Variants in PRICKLE1 observed in about 807,000 individuals in gnomAD.
The protein encoded by PRICKLE1 is prickle planar cell polarity protein 1, also known as prickle-like protein 1.
PRICKLE1 carries 14 observed loss-of-function variants against 70.2 expected under a neutral mutation model. The observed-to-expected ratio is 0.20, with a 90% CI of 0.13 to 0.31. PRICKLE1 has a LOEUF of 0.31. Ranked by LOEUF, PRICKLE1 falls within the 10% of genes least tolerant of loss-of-function variation. PRICKLE1 has a pLI of 1.00. For synonymous variants in PRICKLE1, 357 were observed against 379.9 expected (o/e 0.94, Z 0.70); for missense variants, 821 against 1,026.2 (o/e 0.80, Z 2.73).
intron 1 of PRICKLE1, among the ~76,000 whole-genome samples, chr12:42,528,631 T>C (rs534346756): frequency 6.6e-6 from 1 of 152,350 alleles, no homozygotes; most frequent in East Asian, 1.9e-4. Context: ...TAAATGTTTG[T>C]ATTAAACATG....
intron 3 of PRICKLE1, 194 bp downstream of exon 3, chr12:42,470,052 A>G: frequency 1.7e-6 from 1 of 576,738 alleles, no homozygotes; most frequent in South Asian, 2.0e-5. Flanking sequence ...ACTTGTGTTA[A>G]GTTTATTACA....
At chr12:42,542,294 GA>G (rs1408975180) in intron 1 of PRICKLE1, among the ~76,000 whole-genome samples, 1 of 151,740 alleles carries the variant, frequency 6.6e-6, no homozygotes, top group Non-Finnish European at 1.5e-5. Context: ...GCTTTTATAT[GA>G]TTTTTTTTCA....
rs1320904413 is a variant in PRICKLE1, at chr12:42,468,812, A to G, written c.402T>C (p.Asn134=). 3.7e-6 allele frequency: 6 copies of G among 1,614,042 alleles called. No homozygotes were observed. The highest frequency in any genetic ancestry group is 5.1e-6 in the Non-Finnish European group (6 of 1,180,010). ...AVCEQCGLKI[N]GGEVAVFASR... The stretch of plus-strand genomic sequence containing the variant: ...AGGCGAACACTGCAACTTCACCTCC[A>G]TTTATCTTCAAACCACACTACAAAC... Residue 134 remains asparagine, a synonymous_variant, in exon 5 of 8, where the codon AAT becomes AAC. Coordinates refer to ENST00000345127, the MANE Select transcript of PRICKLE1 (RefSeq NM_153026.3).
chr12:42,517,308 T>TTTA (rs1939627759), intron 1 of PRICKLE1, among the ~76,000 whole-genome samples: 1 of 100,666 alleles, frequency 9.9e-6, no homozygotes, highest in East Asian at 2.4e-4. Flanking sequence ...AGTCTGCCAT[T>TTTA]TTTTTTTTTT....
intron 1 of PRICKLE1, among the ~76,000 whole-genome samples, chr12:42,538,323 A>T (rs1296650786): frequency 1.3e-5 from 2 of 152,222 alleles, no homozygotes; most frequent in African/African-American, 4.8e-5. Context: ...GCAAAAAAAA[A>T]TAGATGGTCT....
In PRICKLE1 at chr12:42,523,214, G is replaced by A. The variant is rs528644775; in HGVS notation, c.-48-50650C>T. ...GAACTCCTGACCTCATGATCCGCCC[G>A]CCTTGGCCTCCCAAAGTGCTGGGAT... On this transcript the variant is annotated intron_variant, in intron 1 of 7. Transcript: ENST00000345127. Among the ~76,000 whole-genome samples the A allele has an allele frequency of 9.2e-5, 14 of 152,262 alleles. No homozygotes were observed. The South Asian group carries it at 1.0e-3, about 11-fold the overall frequency.
intron 2 of PRICKLE1, 34 bp downstream of exon 2, chr12:42,472,351 A>G (rs1159002576): frequency 6.2e-7 from 1 of 1,613,436 alleles, no homozygotes; most frequent in Admixed American, 1.7e-5. Flanking sequence ...ACACTGAAAA[A>G]CAAAGAGTAA....
intron 1 of PRICKLE1, among the ~76,000 whole-genome samples, chr12:42,516,112 G>A (rs575775303): frequency 5.3e-5 from 8 of 151,698 alleles, no homozygotes; most frequent in Non-Finnish European, 8.8e-5. Context: ...AAGACTTCTA[G>A]CAAATGGCCT....
intron 1 of PRICKLE1, among the ~76,000 whole-genome samples, chr12:42,531,708 T>C (rs965535159): frequency 1.3e-5 from 2 of 152,158 alleles, no homozygotes; most frequent in Admixed American, 1.3e-4. Flanking sequence ...ATTAATTAAT[T>C]TGAATACAGC....
At chr12:42,497,497 C>T (rs2708048) in intron 1 of PRICKLE1, among the ~76,000 whole-genome samples, 131,446 of 148,964 alleles carry the variant, frequency 0.88, 58,362 homozygotes, top group East Asian at 1. Context: ...TGCGGTGAGC[C>T]AAGATCGTGC....
intron 1 of PRICKLE1, among the ~76,000 whole-genome samples, chr12:42,574,275 C>T (rs1940768589): frequency 6.6e-6 from 1 of 152,170 alleles, no homozygotes; most frequent in South Asian, 2.1e-4. Flanking sequence ...TGACAAACTC[C>T]TTTCCACCTC....
rs1938362121 is a variant in PRICKLE1, at chr12:42,472,430, T to C, written c.87A>G (p.Ala29=). 5.0e-6 allele frequency: 8 copies of C among 1,614,010 alleles called. No homozygotes were observed. The highest frequency in any genetic ancestry group is 6.8e-6 in the Non-Finnish European group (8 of 1,180,026). Reference sequence around the variant, plus strand: ...GGGGGACCCAGGCGTACTCCTCCAATGCACAGCCAGAGTCATCATCTGATG... The same window carrying C: ...GGGGGACCCAGGCGTACTCCTCCAACGCACAGCCAGAGTCATCATCTGATG... ...SSTSDDDSGC[A]LEEYAWVPPG... Residue 29 remains alanine (A), a synonymous_variant, in exon 2 of 8, where the codon GCA becomes GCG. Coordinates refer to ENST00000345127, the MANE Select transcript of PRICKLE1 (RefSeq NM_153026.3).
intron 1 of PRICKLE1, among the ~76,000 whole-genome samples, chr12:42,533,666 A>G (rs1211742817): frequency 2.6e-5 from 4 of 152,200 alleles, no homozygotes; most frequent in African/African-American, 9.6e-5. Flanking sequence ...ACCTCCTTGT[A>G]CTGCCATACC....
At chr12:42,524,820 C>T (rs867457008) in intron 1 of PRICKLE1, 1 of 152,178 alleles carries the variant, frequency 6.6e-6, no homozygotes, top group Non-Finnish European at 1.5e-5. Flanking sequence ...GTTAAGGACA[C>T]GAATTCTGGA....
intron 1 of PRICKLE1, chr12:42,482,975 G>A (rs1566095268): frequency 6.6e-6 from 1 of 152,222 alleles, no homozygotes; most frequent in African/African-American, 2.4e-5. Flanking sequence ...GGGCGCCCTG[G>A]GCCGTGGGTC....
chr12:42,468,523 A>G, intron 5 of PRICKLE1, 103 bp downstream of exon 5: 4 of 1,045,724 alleles, frequency 3.8e-6, no homozygotes, highest in Non-Finnish European at 5.9e-6. Flanking sequence ...TGCACACAGA[A>G]CAAAATCCAG....
Position 42,570,118 on chromosome 12 carries a change from C to T in PRICKLE1, c.-49+19347G>A, listed in dbSNP as rs561381304. On this transcript the variant is annotated intron_variant, in intron 1 of 7. Transcript: ENST00000345127. ...TGCATGACACCTGAGCGGTTATGACCGCCTACCTGAATTACCCTAGATGTT... is the reference window on the plus strand; with the variant it reads ...TGCATGACACCTGAGCGGTTATGACTGCCTACCTGAATTACCCTAGATGTT... 7.2e-5 allele frequency among the ~76,000 whole-genome samples: 11 copies of T among 152,310 alleles called. No individual in the cohort carries two copies. The East Asian group carries it at 1.3e-3, about 19-fold the overall frequency.
Position 42,465,057 on chromosome 12 carries a change from C to A in PRICKLE1, c.977G>T (p.Arg326Leu). The A allele has an allele frequency of 6.3e-7, 1 of 1,577,600 alleles. No individual in the cohort carries two copies. The highest frequency in any genetic ancestry group is 8.6e-7 in the Non-Finnish European group (1 of 1,164,398). Residue 326 changes from arginine (R) to leucine (L), a missense_variant, in exon 7 of 8, where the codon CGA (arginine) becomes CTA (leucine). Coordinates refer to ENST00000345127, the MANE Select transcript of PRICKLE1 (RefSeq NM_153026.3). ...GACACTTCTTCGGGAGTCTCTTGAT[C>A]GAGCTGACTGAAATGCAGAGTCGGA... ...DSSDSAFQSA[R>L]SRDSRRSVRM...
At chr12:42,588,361 T>C (rs1941017573) in intron 1 of PRICKLE1, among the ~76,000 whole-genome samples, 1 of 152,228 alleles carries the variant, frequency 6.6e-6, no homozygotes, top group African/African-American at 2.4e-5. Context: ...ACTGTATGCA[T>C]GAACAGATAC....
Sources: allele counts gnomAD v4.1 joint callset (sites outside exome capture counted in the v4.1 genomes callset), GRCh38; gene constraint gnomAD v4.1.1; transcripts MANE v1.5; gene names NCBI Gene and HGNC (gene_info 2026-07-23, HGNC 2026-07-21).